ZMIZ1: variants seen among roughly 807,000 people sequenced by gnomAD.
The protein encoded by ZMIZ1 is zinc finger MIZ-type containing 1.
A neutral mutation model predicts 113.9 loss-of-function variants in ZMIZ1; 17 were observed. The ratio of observed to expected loss-of-function variants is 0.15; its 90% CI spans 0.10 to 0.22. The LOEUF (loss-of-function observed/expected upper bound fraction) is 0.22. Ranked by LOEUF, ZMIZ1 falls within the 10% of genes least tolerant of loss-of-function variation. ZMIZ1 has a pLI of 1.00. For synonymous variants in ZMIZ1, 607 were observed against 603.1 expected, an observed-to-expected ratio of 1.01 and a Z score of -0.09; for missense variants, 1,059 against 1,477.8, an observed-to-expected ratio of 0.72 and a Z score of 4.65.
intron 7 of ZMIZ1, among the ~76,000 whole-genome samples, chr10:79,276,423 C>T (rs1451707130): frequency 6.6e-6 from 1 of 152,190 alleles, no homozygotes; most frequent in Non-Finnish European, 1.5e-5. Context: ...GTCCCCAGTT[C>T]ATGTGGGGCT....
chr10:79,202,164 G>C (rs1848114832), intron 5 of ZMIZ1, among the ~76,000 whole-genome samples: 1 of 133,220 alleles, frequency 7.5e-6, no homozygotes, highest in Non-Finnish European at 1.5e-5. Flanking sequence ...GCCCAGCCTG[G>C]GTAACATAGC....
chr10:79,281,187 G>GTT (rs150313877), intron 8 of ZMIZ1, among the ~76,000 whole-genome samples: 3,589 of 152,274 alleles, frequency 0.024, 151 homozygotes, highest in African/African-American at 0.081. Flanking sequence ...TAAGGCATGA[G>GTT]GTTGTTCGGT....
At chr10:79,265,071 C>G (rs1851508035) in intron 7 of ZMIZ1, among the ~76,000 whole-genome samples, 1 of 152,188 alleles carries the variant, frequency 6.6e-6, no homozygotes, top group African/African-American at 2.4e-5. Context: ...GCCCTGACGG[C>G]TCTGAGGTTC....
Position 79,296,796 on chromosome 10 carries a change from T to A in ZMIZ1, c.1413+143T>A. The A allele has an allele frequency of 1.4e-6, 1 of 726,762 alleles. No individual in the cohort carries two copies. Among genetic ancestry groups the A allele is most frequent in the East Asian group, 3.3e-5 (1 of 30,430 alleles). 45.0% of individuals were successfully genotyped at this position (726,762 alleles called of 1,614,324 possible). A position where few individuals can be genotyped will look rare whatever the true frequency, so the allele number is the denominator to read the frequency against. On this transcript the variant is annotated intron_variant, in intron 13 of 24. Coordinates refer to ENST00000334512, the MANE Select transcript of ZMIZ1 (RefSeq NM_020338.4). This position sits in a 1 kb window ranked among gnomAD's most constrained non-coding sequence, Gnocchi z 4.1. ...TGGGTGATTTCTGAACGTCCCCATG[T>A]GTTCAGGGCGAAGTTCGGTGGCCAG...
rs1234748858 is a variant in ZMIZ1, at chr10:79,296,560, C to T, written c.1320C>T (p.Leu440=). The change falls in exon 13 of 25, where the codon CTC becomes CTT. Residue 440 remains leucine (L), a synonymous_variant. Transcript: ENST00000334512. This position sits in a 1 kb window ranked among gnomAD's most constrained non-coding sequence, Gnocchi z 4.1. ...QYPAPNPPRP[L]TSPNYPGQRM... is the part of the protein sequence containing the mutation. ...CAGCCCCCAACCCCCCGAGGCCACT[C>T]ACCTCCCCCAACTACCCAGGACAGA... 2 of 1,613,088 alleles carry T rather than the reference C, an allele frequency of 1.2e-6. No homozygotes were observed. Among genetic ancestry groups the T allele is most frequent in the Admixed American group, 1.7e-5 (1 of 59,952 alleles).
chr10:79,139,311 G>A (rs764851824), intron 2 of ZMIZ1, among the ~76,000 whole-genome samples: 57 of 152,244 alleles, frequency 3.7e-4, no homozygotes, highest in Non-Finnish European at 6.9e-4. Flanking sequence ...CAAGGGCTTT[G>A]TACACCCGGC....
chr10:79,275,599 G>A (rs1852236590), intron 7 of ZMIZ1, among the ~76,000 whole-genome samples: 3 of 152,340 alleles, frequency 2.0e-5, no homozygotes, highest in South Asian at 4.1e-4. Context: ...CACCAGTGCC[G>A]GCCAAACGTG....
At chr10:79,152,433 G>A (rs1279236444) in intron 3 of ZMIZ1, among the ~76,000 whole-genome samples, 1 of 152,190 alleles carries the variant, frequency 6.6e-6, no homozygotes, top group Non-Finnish European at 1.5e-5. Flanking sequence ...CCAGGAGGTC[G>A]AAGCTACAGT....
chr10:79,242,741 C>T (rs1340486018), intron 7 of ZMIZ1, among the ~76,000 whole-genome samples: 1 of 152,026 alleles, frequency 6.6e-6, no homozygotes, highest in Non-Finnish European at 1.5e-5. Flanking sequence ...GAGCCCCACT[C>T]GCACAAGTGT....
intron 1 of ZMIZ1, among the ~76,000 whole-genome samples, chr10:79,110,843 A>G (rs886337863): frequency 1.3e-5 from 2 of 152,228 alleles, no homozygotes; most frequent in Admixed American, 6.5e-5. Flanking sequence ...GCCTGGAGGA[A>G]GGGCTTGAAC....
intron 5 of ZMIZ1, among the ~76,000 whole-genome samples, chr10:79,204,648 A>G (rs1848237785): frequency 6.6e-6 from 1 of 152,186 alleles, no homozygotes; most frequent in Non-Finnish European, 1.5e-5. Context: ...AAAATCACAG[A>G]GTCTAGCATA....
chr10:79,296,460 T>C lies in ZMIZ1; in HGVS notation c.1231-11T>C. On this transcript the variant is annotated splice_polypyrimidine_tract_variant and intron_variant, in intron 12 of 24. Coordinates refer to ENST00000334512, the MANE Select transcript of ZMIZ1 (RefSeq NM_020338.4). The surrounding 1 kb of genome is among the most constrained non-coding windows in gnomAD (Gnocchi z 4.1). ...GAACGTGTTTCCCCTCTCCTTTCTCTCCCACCACAGCCCAACTATGGAAAC... is the reference window on the plus strand; with the variant it reads ...GAACGTGTTTCCCCTCTCCTTTCTCCCCCACCACAGCCCAACTATGGAAAC... 1 of 1,613,574 alleles carries C rather than the reference T, an allele frequency of 6.2e-7. No homozygotes were observed. The highest frequency in any genetic ancestry group is 8.5e-7 in the Non-Finnish European group (1 of 1,179,798).
chr10:79,099,997 C>T lies in ZMIZ1; in HGVS notation c.-336-18918C>T, dbSNP rs1477825503. ...CACTTATCACCACAGTGCAGGTCCT[C>T]ATGCCCACCTGACCTGGGGTGTAAT... On this transcript the variant is annotated intron_variant, in intron 1 of 24. Transcript: ENST00000334512. 2.0e-5 allele frequency among the ~76,000 whole-genome samples: 3 copies of T among 152,106 alleles called. No individual in the cohort carries two copies. In the East Asian group the frequency reaches 5.8e-4, roughly 29 times the overall value.
intron 7 of ZMIZ1, among the ~76,000 whole-genome samples, chr10:79,223,310 G>A (rs933909433): frequency 9.9e-5 from 15 of 152,270 alleles, no homozygotes; most frequent in Non-Finnish European, 1.8e-4. Flanking sequence ...CCCAGAGACA[G>A]CAGGCAGGCA....
At chr10:79,092,820 G>A (rs942774951) in intron 1 of ZMIZ1, among the ~76,000 whole-genome samples, 1 of 152,170 alleles carries the variant, frequency 6.6e-6, no homozygotes, top group Non-Finnish European at 1.5e-5. Flanking sequence ...GCTGGCAGAG[G>A]GGTGGTCAGG....
intron 8 of ZMIZ1, 98 bp downstream of exon 8, chr10:79,277,423 C>A: frequency 7.1e-7 from 1 of 1,407,034 alleles, no homozygotes; most frequent in South Asian, 1.5e-5. Context: ...CTCTGTGCAA[C>A]CATGAGGATG....
chr10:79,220,979 G>C (rs1453051175), intron 7 of ZMIZ1, among the ~76,000 whole-genome samples: 1 of 152,164 alleles, frequency 6.6e-6, no homozygotes, highest in Non-Finnish European at 1.5e-5. Context: ...GTGTCTGTGT[G>C]TGCATGGTTG....
intron 13 of ZMIZ1, among the ~76,000 whole-genome samples, chr10:79,297,320 A>G (rs1589592347): frequency 1.3e-5 from 2 of 152,342 alleles, no homozygotes; most frequent in Admixed American, 1.3e-4. Context: ...GCCAAAAATC[A>G]TGCTAATTTA....
At position 79,296,803 on chromosome 10, in the gene ZMIZ1, G is replaced by A; in HGVS notation, c.1413+150G>A. ...TTTCTGAACGTCCCCATGTGTTCAGGGCGAAGTTCGGTGGCCAGAATGTCA... is the reference window on the plus strand; with the variant it reads ...TTTCTGAACGTCCCCATGTGTTCAGAGCGAAGTTCGGTGGCCAGAATGTCA... On this transcript the variant is annotated intron_variant, in intron 13 of 24. Coordinates refer to ENST00000334512, the MANE Select transcript of ZMIZ1 (RefSeq NM_020338.4). This position sits in a 1 kb window ranked among gnomAD's most constrained non-coding sequence, Gnocchi z 4.1. 1 of 629,212 alleles carries A rather than the reference G, an allele frequency of 1.6e-6. No individual in the cohort carries two copies. Among genetic ancestry groups the A allele is most frequent in the Non-Finnish European group, 2.4e-6 (1 of 409,236 alleles). 39.0% of individuals were successfully genotyped at this position (629,212 alleles called of 1,614,324 possible). A position where few individuals can be genotyped will look rare whatever the true frequency, so the allele number is the denominator to read the frequency against.
Sources: allele counts gnomAD v4.1 joint callset (sites outside exome capture counted in the v4.1 genomes callset), GRCh38; gene constraint gnomAD v4.1.1; non-coding constraint Gnocchi (gnomAD v3.1); transcripts MANE v1.5; gene names NCBI Gene and HGNC (gene_info 2026-07-23, HGNC 2026-07-21).